JMJD1C: variants seen among roughly 807,000 people sequenced by gnomAD.
The protein encoded by JMJD1C is jumonji domain-containing protein 1C.
In JMJD1C, 31 loss-of-function variants were observed where a neutral mutation model predicts 245.3. The ratio of observed to expected loss-of-function variants is 0.13; its 90% CI spans 0.09 to 0.17. The LOEUF (loss-of-function observed/expected upper bound fraction) is 0.17. JMJD1C is among the 10% of genes least tolerant of loss of function. JMJD1C has a pLI of 1.00. For synonymous variants in JMJD1C, 1,057 were observed against 1,017.4 expected (o/e 1.04, Z -0.74); for missense variants, 2,691 against 3,000.2 (o/e 0.90, Z 2.41).
chr10:63,352,898 G>C (rs1231314093), intron 2 of JMJD1C, among the ~76,000 whole-genome samples: 1 of 152,088 alleles, frequency 6.6e-6, no homozygotes, highest in African/African-American at 2.4e-5. Flanking sequence ...AGTATGTGTG[G>C]AATTTGGTAA....
At chr10:63,339,508 T>G (rs553520786) in intron 2 of JMJD1C, among the ~76,000 whole-genome samples, 1 of 152,142 alleles carries the variant, frequency 6.6e-6, no homozygotes, top group South Asian at 2.1e-4. Context: ...TGAGGCCAGG[T>G]GTGCTGGCTC....
At chr10:63,349,179 G>T (rs1944123700) in intron 2 of JMJD1C, among the ~76,000 whole-genome samples, 1 of 138,896 alleles carries the variant, frequency 7.2e-6, no homozygotes, top group South Asian at 2.4e-4. Flanking sequence ...CACTATAAAA[G>T]GAAGCTCCCC....
intron 2 of JMJD1C, among the ~76,000 whole-genome samples, chr10:63,372,248 T>A (rs1946376945): frequency 6.6e-6 from 1 of 152,168 alleles, no homozygotes; most frequent in African/African-American, 2.4e-5. Flanking sequence ...GAATTGCCTA[T>A]CTATGAAGGA....
chr10:63,213,321 CTT>C, intron 8 of JMJD1C, 150 bp downstream of exon 8: 1 of 478,718 alleles, frequency 2.1e-6, no homozygotes. Flanking sequence ...AGCTCCCACT[CTT>C]GAGGTTACTA....
intron 2 of JMJD1C, among the ~76,000 whole-genome samples, chr10:63,379,730 A>G (rs993167173): frequency 6.6e-6 from 1 of 152,240 alleles, no homozygotes; most frequent in Non-Finnish European, 1.5e-5. Context: ...AATCCAATTT[A>G]TATTTTAATT....
intron 1 of JMJD1C, among the ~76,000 whole-genome samples, chr10:63,478,542 A>C (rs914187758): frequency 6.6e-6 from 1 of 152,228 alleles, no homozygotes; most frequent in Non-Finnish European, 1.5e-5. Flanking sequence ...AAAACTCAAA[A>C]GAAACATTAT....
chr10:63,194,494 G>T, intron 13 of JMJD1C, 119 bp from the exon 14 acceptor site: 1 of 591,460 alleles, frequency 1.7e-6, no homozygotes, highest in East Asian at 2.8e-5. Context: ...CAGCCAAAGA[G>T]AAAAAGAAAA....
intron 22 of JMJD1C, among the ~76,000 whole-genome samples, chr10:63,178,263 G>A (rs949457440): frequency 6.6e-6 from 1 of 152,144 alleles, no homozygotes; most frequent in Non-Finnish European, 1.5e-5. Flanking sequence ...TTAAAAAAGA[G>A]TCAAACACAG....
chr10:63,465,384 G>C (rs1439799010), intron 1 of JMJD1C, 111 bp downstream of exon 1: 5 of 1,148,434 alleles, frequency 4.4e-6, no homozygotes, highest in African/African-American at 1.5e-5. Context: ...AGAGGGGCGT[G>C]ACCGCCAGTT....
chr10:63,466,101 C>T, upstream of JMJD1C: 1 of 190,954 alleles, frequency 5.2e-6, no homozygotes, highest in Non-Finnish European at 1.1e-5. Flanking sequence ...CCCGGCCCTG[C>T]GGAGGCGGCA....
chr10:63,465,556 C>A lies in JMJD1C; in HGVS notation c.107G>T (p.Ser36Ile). 1 of 1,603,488 alleles carries A rather than the reference C, an allele frequency of 6.2e-7. No individual in the cohort carries two copies. Among genetic ancestry groups the A allele is most frequent in the Non-Finnish European group, 8.5e-7 (1 of 1,178,602 alleles). The change falls in exon 1 of 26, where the codon AGC (serine) becomes ATC (isoleucine). Residue 36 changes from serine to isoleucine, a missense_variant. Ser to Ile is a moderately radical substitution (Grantham distance 142, BLOSUM62 -2). Around this residue, in one of 9 missense-constraint regions of JMJD1C, gnomAD observed 135 missense variants for 115.5 expected, o/e 1.17. Transcript: ENST00000399262. ...GGCTCGGATGACCCCCGCTCGCCAG[C>A]TTCGCCAGCCGCGTCCGCTCTCCCA... is the stretch of plus-strand genomic sequence containing the variant. The part of the protein sequence containing the change: ...ERWESGRGWR[S>I]WRAGVIRAVS...
At chr10:63,186,985 TG>T (rs1844206692) in intron 18 of JMJD1C, among the ~76,000 whole-genome samples, 1 of 152,182 alleles carries the variant, frequency 6.6e-6, no homozygotes. Context: ...AGCCCGAGTT[TG>T]TATCTTGCCT....
intron 3 of JMJD1C, among the ~76,000 whole-genome samples, chr10:63,256,566 A>G (rs1488232411): frequency 6.6e-6 from 1 of 152,184 alleles, no homozygotes; most frequent in Non-Finnish European, 1.5e-5. Context: ...GCTTCAGCTT[A>G]GCTCTACTAT....
At chr10:63,347,839 AG>A (rs1259174400) in intron 2 of JMJD1C, among the ~76,000 whole-genome samples, 1 of 151,994 alleles carries the variant, frequency 6.6e-6, no homozygotes, top group African/African-American at 2.4e-5. Context: ...TCTTCAACCC[AG>A]GGGGTGGAAG....
At chr10:63,300,856 C>T (rs1303001093) in intron 2 of JMJD1C, among the ~76,000 whole-genome samples, 1 of 149,666 alleles carries the variant, frequency 6.7e-6, no homozygotes, top group African/African-American at 2.5e-5. Flanking sequence ...CACACCACTG[C>T]ACTCTGGCTT....
intron 2 of JMJD1C, among the ~76,000 whole-genome samples, chr10:63,284,857 TCACACACACACACA>T (rs57860875): frequency 0.014 from 1,923 of 135,458 alleles, 38 homozygotes; most frequent in African/African-American, 0.042. Context: ...CAGGGAAGAT[TCACACACACACACA>T]CACACACACA....
chr10:63,453,505 T>C (rs1301530332), intron 1 of JMJD1C, among the ~76,000 whole-genome samples: 2 of 152,228 alleles, frequency 1.3e-5, no homozygotes, highest in African/African-American at 2.4e-5. Flanking sequence ...TCCTAAAATA[T>C]AGCAAAAGAC....
Position 63,198,780 on chromosome 10 carries a change from C to G in JMJD1C, c.5277-53G>C, listed in dbSNP as rs1845712648. ...GGTACCCACATATTAAAACATAAGT[C>G]CAGTCTTTAAAATTGTAAATTTATA... is the stretch of plus-strand genomic sequence containing the variant. On this transcript the variant is annotated intron_variant, in intron 11 of 25. Coordinates refer to ENST00000399262, the MANE Select transcript of JMJD1C (RefSeq NM_032776.3). 3.8e-6 allele frequency: 4 copies of G among 1,043,574 alleles called. No homozygotes were observed. The South Asian group carries it at 6.9e-5, about 18-fold the overall frequency. The allele number at this position is 1,043,574 out of a possible 1,614,324, so 64.6% of individuals were successfully genotyped here. A position where few individuals can be genotyped will look rare whatever the true frequency, so the allele number is the denominator to read the frequency against.
chr10:63,288,853 T>G (rs914535251), intron 2 of JMJD1C, among the ~76,000 whole-genome samples: 3 of 150,936 alleles, frequency 2.0e-5, no homozygotes, highest in Non-Finnish European at 4.4e-5. Flanking sequence ...CATTCCAGCC[T>G]GGGCGACAAA....
Sources: allele counts gnomAD v4.1 joint callset (sites outside exome capture counted in the v4.1 genomes callset), GRCh38; gene constraint gnomAD v4.1.1; regional missense constraint gnomAD v4.1.1; transcripts MANE v1.5; gene names NCBI Gene and HGNC (gene_info 2026-07-23, HGNC 2026-07-21).